The following DNM3 variants were observed in gnomAD, a reference collection of about 807,000 sequenced individuals.
DNM3 encodes the protein dynamin 3, also known as dynamin-3.
A neutral mutation model predicts 101.6 loss-of-function variants in DNM3; 47 were observed. The ratio of observed to expected loss-of-function variants is 0.46; its 90% CI spans 0.37 to 0.59. The LOEUF (loss-of-function observed/expected upper bound fraction) is 0.59, where lower values mean the gene tolerates loss of function less well. Among genes scored for constraint, DNM3 ranks in the 20% least tolerant of loss-of-function variants. The pLI is 0.00. For missense variants in DNM3, 849 were observed against 1,085.7 expected (o/e 0.78, Z 3.06); for synonymous variants, 385 against 387.9 (o/e 0.99, Z 0.09).
intron 13 of DNM3, among the ~76,000 whole-genome samples, chr1:172,108,789 AT>A (rs1471727785): frequency 6.6e-6 from 1 of 152,192 alleles, no homozygotes; most frequent in African/African-American, 2.4e-5. Flanking sequence ...GCCTTACCAA[AT>A]AATTGGCTGA....
intron 2 of DNM3, among the ~76,000 whole-genome samples, chr1:171,952,798 C>T (rs534370500): frequency 1.9e-4 from 29 of 152,288 alleles, no homozygotes; most frequent in African/African-American, 6.5e-4. Context: ...TTCTTTGCTT[C>T]TATAGAAACC....
At chr1:171,891,347 TAA>T (rs11367825) in intron 1 of DNM3, among the ~76,000 whole-genome samples, 1 of 144,778 alleles carries the variant, frequency 6.9e-6, no homozygotes, top group East Asian at 2.0e-4. Context: ...GGGCAAGTGC[TAA>T]AAAAAAAAAA....
At chr1:171,918,810 A>G (rs2039928073) in intron 1 of DNM3, among the ~76,000 whole-genome samples, 1 of 152,180 alleles carries the variant, frequency 6.6e-6, no homozygotes, top group East Asian at 1.9e-4. Context: ...TAGTCAACAC[A>G]TAATTATTTG....
intron 16 of DNM3, among the ~76,000 whole-genome samples, chr1:172,314,833 G>A (rs878998611): frequency 1.3e-5 from 2 of 152,186 alleles, no homozygotes; most frequent in Non-Finnish European, 2.9e-5. Flanking sequence ...CAAAAAGACA[G>A]CAGTAACCTC....
At chr1:172,375,202 G>A (rs1304806610) in intron 17 of DNM3, among the ~76,000 whole-genome samples, 1 of 152,006 alleles carries the variant, frequency 6.6e-6, no homozygotes, top group Non-Finnish European at 1.5e-5. Flanking sequence ...CAGTAGCAGA[G>A]GAATCGCTCT....
chr1:172,324,189 G>A (rs533522730), intron 17 of DNM3, among the ~76,000 whole-genome samples: 3 of 152,076 alleles, frequency 2.0e-5, no homozygotes, highest in Non-Finnish European at 4.4e-5. Context: ...TTTTTCTATG[G>A]AGATACATTA....
intron 15 of DNM3, among the ~76,000 whole-genome samples, chr1:172,296,638 CA>C (rs1229369086): frequency 6.6e-6 from 1 of 152,164 alleles, no homozygotes; most frequent in Non-Finnish European, 1.5e-5. Flanking sequence ...CTGGTGATGT[CA>C]CACCTCCCTT....
chr1:172,283,390 T>A (rs1182830119), intron 15 of DNM3, among the ~76,000 whole-genome samples: 1 of 151,924 alleles, frequency 6.6e-6, no homozygotes, highest in East Asian at 1.9e-4. Flanking sequence ...TACCTTATAT[T>A]CTTTCTTGTG....
Position 172,081,033 on chromosome 1 carries a change from T to C in DNM3, c.1423-799T>C, listed in dbSNP as rs114985104. Among the ~76,000 whole-genome samples, 801 of 152,304 alleles carry C rather than the reference T, an allele frequency of 5.3e-3. 4 individuals are homozygous for C. Among genetic ancestry groups the C allele is most frequent in the Middle Eastern group, 0.024 (7 of 294 alleles). On this transcript the variant is annotated intron_variant, in intron 11 of 20. Transcript: ENST00000627582. ...CAGAAATCACCTGCTTCTGTGTTGATCTCACTGGGAGCTGCATACTGGAGC... is the reference window on the plus strand; with the variant it reads ...CAGAAATCACCTGCTTCTGTGTTGACCTCACTGGGAGCTGCATACTGGAGC...
chr1:172,252,814 T>C lies in DNM3; in HGVS notation c.1660-759T>C, dbSNP rs1191088293. 2.6e-5 allele frequency among the ~76,000 whole-genome samples: 4 copies of C among 152,140 alleles called. No homozygotes were observed. The South Asian group carries it at 8.3e-4, about 31-fold the overall frequency. ...CAATGTTTTACTAACACTAATTTGG[T>C]CGCATTTGCAGACCTTACCTCTTCA... On this transcript the variant is annotated intron_variant, in intron 14 of 20. Transcript: ENST00000627582.
At chr1:172,170,629 G>A (rs1451146996) in intron 14 of DNM3, among the ~76,000 whole-genome samples, 1 of 151,726 alleles carries the variant, frequency 6.6e-6, no homozygotes, top group Non-Finnish European at 1.5e-5. Flanking sequence ...GTCATTTTAG[G>A]GTAATCTGTT....
At chr1:172,126,452 G>A (rs1052800931) in intron 13 of DNM3, among the ~76,000 whole-genome samples, 2 of 152,058 alleles carry the variant, frequency 1.3e-5, no homozygotes, top group Non-Finnish European at 2.9e-5. Context: ...TCCATTCTTT[G>A]AAAATTTTAA....
intron 12 of DNM3, among the ~76,000 whole-genome samples, chr1:172,088,021 G>T (rs1242209312): frequency 6.6e-6 from 1 of 152,128 alleles, no homozygotes; most frequent in African/African-American, 2.4e-5. Context: ...AGGTTTCCTA[G>T]TACAGATGAT....
At chr1:171,958,650 G>A (rs1477996671) in intron 2 of DNM3, among the ~76,000 whole-genome samples, 1 of 152,158 alleles carries the variant, frequency 6.6e-6, no homozygotes, top group Non-Finnish European at 1.5e-5. Context: ...CAATGGGCAG[G>A]ATAGATGGAA....
At position 172,408,065 on chromosome 1, in the gene DNM3, T is replaced by C; in HGVS notation, c.*224T>C. On this transcript the variant is annotated 3_prime_UTR_variant, in exon 21 of 21. Transcript: ENST00000627582. ...CTTTTAGAGGCTTTATATGTTGTAC[T>C]GACCAAGGTAGGTTTGTATAGCAGC... 1 of 1,374,472 alleles carries C rather than the reference T, an allele frequency of 7.3e-7. No homozygotes were observed. The highest frequency in any genetic ancestry group is 9.4e-7 in the Non-Finnish European group (1 of 1,062,042). The allele number at this position is 1,374,472 out of a possible 1,614,324, so 85.1% of individuals were successfully genotyped here. A position where few individuals can be genotyped will look rare whatever the true frequency, so the allele number is the denominator to read the frequency against.
rs1282989733 is a variant in DNM3, at chr1:172,376,180, T to C, written c.1894-2838T>C. Reference sequence around the variant, plus strand: ...GTTAAATTAGATTTCTCAATAGCTATTTTTAAAAACTGCAATAGGAAGGAC... The same window carrying C: ...GTTAAATTAGATTTCTCAATAGCTACTTTTAAAAACTGCAATAGGAAGGAC... On this transcript the variant is annotated intron_variant, in intron 17 of 20. Coordinates refer to ENST00000627582, the MANE Select transcript of DNM3 (RefSeq NM_015569.5). The C allele has an allele frequency of 2.6e-5, 4 of 152,082 alleles. No homozygotes were observed. In the South Asian group the frequency reaches 8.3e-4, roughly 31 times the overall value. The allele number at this position is 152,082 out of a possible 1,614,324, so 9.4% of individuals were successfully genotyped here.
At chr1:172,198,792 A>G (rs537732379) in intron 14 of DNM3, among the ~76,000 whole-genome samples, 1 of 98,760 alleles carries the variant, frequency 1.0e-5, no homozygotes, top group Admixed American at 8.6e-5. Context: ...GTTTATTTGG[A>G]TCTTCTCTCT....
At chr1:172,189,136 T>G (rs1216481140) in intron 14 of DNM3, among the ~76,000 whole-genome samples, 1 of 152,040 alleles carries the variant, frequency 6.6e-6, no homozygotes, top group Non-Finnish European at 1.5e-5. Context: ...TCTATTGAAT[T>G]GCCTTTTTCC....
At chr1:172,250,081 T>C (rs2062110836) in intron 14 of DNM3, among the ~76,000 whole-genome samples, 1 of 152,110 alleles carries the variant, frequency 6.6e-6, no homozygotes. Context: ...TCAAATGTAA[T>C]GCACTTATAA....
Sources: gnomAD v4.1 joint callset for allele counts (sites outside exome capture counted in the v4.1 genomes callset) on GRCh38, gnomAD v4.1.1 for gene constraint, MANE v1.5 for transcripts, NCBI Gene and HGNC (gene_info 2026-07-23, HGNC 2026-07-21) for gene names.